CTBS: variants seen among roughly 807,000 people sequenced by gnomAD.
The protein encoded by CTBS is di-N-acetylchitobiase.
CTBS carries 35 observed loss-of-function variants against 44.3 expected under a neutral mutation model. That is an observed-to-expected ratio of 0.79 (90% CI 0.60 to 1.05). The LOEUF is 1.05. Ranked by LOEUF, CTBS falls within the 50% of genes least tolerant of loss-of-function variation. CTBS has a pLI of 0.00. For missense variants in CTBS, 458 were observed against 475.3 expected (o/e 0.96, Z 0.34); for synonymous variants, 143 against 168.0 (o/e 0.85, Z 1.15).
In CTBS at chr1:84,554,412, TA is replaced by T. The variant is rs1205619185; in HGVS notation, c.*586del. 1 of 152,256 alleles carries T rather than the reference TA, an allele frequency of 6.6e-6. No homozygotes were observed. The highest frequency in any genetic ancestry group is 1.5e-5 in the Non-Finnish European group (1 of 68,052). 9.4% of individuals were successfully genotyped at this position (152,256 alleles called of 1,614,324 possible). On this transcript the variant is annotated 3_prime_UTR_variant, in exon 7 of 7. Coordinates refer to ENST00000370630, the MANE Select transcript of CTBS (RefSeq NM_004388.3). Reference sequence around the variant, plus strand: ...TACATTTAATCTTCTGGATTCTTTTTAATTCTCACTCACTGTCCAAAGATTT... The same window carrying T: ...TACATTTAATCTTCTGGATTCTTTTTATTCTCACTCACTGTCCAAAGATTT...
intron 6 of CTBS, among the ~76,000 whole-genome samples, chr1:84,556,996 C>G (rs1046941134): frequency 2.6e-5 from 4 of 152,128 alleles, no homozygotes; most frequent in Admixed American, 2.0e-4. Context: ...ATTTTGCCAT[C>G]ATTCTAGCTA....
At position 84,550,607 on chromosome 1, in the gene CTBS, T is replaced by G; in HGVS notation, c.*4392A>C. On this transcript the variant is annotated 3_prime_UTR_variant, in exon 7 of 7. Transcript: ENST00000370630. The stretch of plus-strand genomic sequence containing the variant: ...AATATTTTGGTGTTTTAACTTTGGG[T>G]GTCAATAATATAAGGGTAGCCAGGA... 1 of 1,393,234 alleles carries G rather than the reference T, an allele frequency of 7.2e-7. No individual in the cohort carries two copies. The highest frequency in any genetic ancestry group is 1.8e-5 in the South Asian group (1 of 54,196). 86.3% of individuals were successfully genotyped at this position (1,393,234 alleles called of 1,614,324 possible). A position where few individuals can be genotyped will look rare whatever the true frequency, so the allele number is the denominator to read the frequency against.
At chr1:84,556,871 T>C (rs1035660942) in intron 6 of CTBS, among the ~76,000 whole-genome samples, 4 of 152,196 alleles carry the variant, frequency 2.6e-5, no homozygotes, top group Non-Finnish European at 4.4e-5. Flanking sequence ...GACAAAGCCA[T>C]GCATGCCCTA....
chr1:84,553,276 A>G lies in CTBS; in HGVS notation c.*1723T>C, dbSNP rs968072017. 2.1e-6 allele frequency: 1 copy of G among 478,684 alleles called. No homozygotes were observed. The highest frequency in any genetic ancestry group is 2.0e-5 in the African/African-American group (1 of 49,002). 29.7% of individuals were successfully genotyped at this position (478,684 alleles called of 1,614,324 possible). A position where few individuals can be genotyped will look rare whatever the true frequency, so the allele number is the denominator to read the frequency against. ...TGTGGGTATTACAAAATGTTTCAGG[A>G]AATATTAGATGTAATATAAAGCAAA... is the stretch of plus-strand genomic sequence containing the variant. On this transcript the variant is annotated 3_prime_UTR_variant, in exon 7 of 7. Coordinates refer to ENST00000370630, the MANE Select transcript of CTBS (RefSeq NM_004388.3).
chr1:84,551,122 A>T lies in CTBS; in HGVS notation c.*3877T>A. 1 of 985,186 alleles carries T rather than the reference A, an allele frequency of 1.0e-6. No homozygotes were observed. The highest frequency in any genetic ancestry group is 1.2e-6 in the Non-Finnish European group (1 of 829,760). The allele number at this position is 985,186 out of a possible 1,614,324, so 61.0% of individuals were successfully genotyped here. On this transcript the variant is annotated 3_prime_UTR_variant, in exon 7 of 7. Coordinates refer to ENST00000370630, the MANE Select transcript of CTBS (RefSeq NM_004388.3). ...TACAACTAATTACATCATAGAAATT[A>T]TCTGTGAAGTACATATGTATTAAAA...
rs1570456657 is a variant in CTBS at position 84,550,696 on chromosome 1, G to C, written c.*4303C>G. On this transcript the variant is annotated 3_prime_UTR_variant, in exon 7 of 7. Coordinates refer to ENST00000370630, the MANE Select transcript of CTBS (RefSeq NM_004388.3). ...ATAGGTGAAAAAAAAAATGCAGGAA[G>C]AAAAACTAAACCTGTGAAAAGATAC... is the stretch of plus-strand genomic sequence containing the variant. 8.4e-7 allele frequency: 1 copy of C among 1,192,150 alleles called. No homozygotes were observed. The highest frequency in any genetic ancestry group is 3.5e-5 in the East Asian group (1 of 28,888). 73.8% of individuals were successfully genotyped at this position (1,192,150 alleles called of 1,614,324 possible). A position where few individuals can be genotyped will look rare whatever the true frequency, so the allele number is the denominator to read the frequency against.
intron 1 of CTBS, chr1:84,573,789 G>GA: frequency 4.5e-6 from 3 of 666,908 alleles, no homozygotes; most frequent in Non-Finnish European, 5.6e-6. Flanking sequence ...TACTTTAAAG[G>GA]AAAGGGCTAG....
intron 6 of CTBS, among the ~76,000 whole-genome samples, chr1:84,557,462 G>A (rs1415197092): frequency 1.3e-5 from 2 of 150,782 alleles, no homozygotes; most frequent in East Asian, 3.9e-4. Context: ...GAACCTGGGA[G>A]GCGGAGGGCG....
In CTBS at chr1:84,563,433, G is replaced by C. The variant is rs757491234; in HGVS notation, c.796-15C>G. ...CAAACATGATCCTAGAAATGCAAAA[G>C]TGCTCATGTTATATATTATCAATTA... On this transcript the variant is annotated splice_polypyrimidine_tract_variant and intron_variant, in intron 5 of 6. Transcript: ENST00000370630. The C allele has an allele frequency of 1.4e-6, 2 of 1,471,516 alleles. No individual in the cohort carries two copies. Among genetic ancestry groups the C allele is most frequent in the Admixed American group, 5.1e-5 (2 of 39,494 alleles). The allele number at this position is 1,471,516 out of a possible 1,614,324, so 91.2% of individuals were successfully genotyped here. A position where few individuals can be genotyped will look rare whatever the true frequency, so the allele number is the denominator to read the frequency against.
Position 84,574,292 on chromosome 1 carries a change from G to A in CTBS, c.124C>T (p.Pro42Ser), listed in dbSNP as rs1647402196. The A allele has an allele frequency of 6.3e-7, 1 of 1,579,934 alleles. No homozygotes were observed. The highest frequency in any genetic ancestry group is 2.4e-5 in the East Asian group (1 of 42,288). The change falls in exon 1 of 7, where the codon CCA becomes TCA. Residue 42 changes from proline (P) to serine (S), a missense_variant. Pro to Ser is a moderately conservative substitution (Grantham distance 74). Coordinates refer to ENST00000370630, the MANE Select transcript of CTBS (RefSeq NM_004388.3). ...ALRLAAGTDC[P>S]CPEPELCRPI... ...CGGCAGAGCTCAGGCTCCGGGCATGGGCAGTCGGTCCCGGCCGCGAGCCGC... is the reference window on the plus strand; with the variant it reads ...CGGCAGAGCTCAGGCTCCGGGCATGAGCAGTCGGTCCCGGCCGCGAGCCGC...
chr1:84,555,285 G>C, intron 6 of CTBS, 86 bp from the exon 7 acceptor site: 1 of 1,032,644 alleles, frequency 9.7e-7, no homozygotes, highest in Non-Finnish European at 1.4e-6. Flanking sequence ...GAAGTATACA[G>C]TACAGTAAGA....
At chr1:84,556,244 T>C (rs187596326) in intron 6 of CTBS, among the ~76,000 whole-genome samples, 3 of 152,246 alleles carry the variant, frequency 2.0e-5, no homozygotes, top group Admixed American at 6.5e-5. Context: ...GGAGCAGATC[T>C]AGGACAAAGT....
At chr1:84,557,631 A>G (rs1166958262) in intron 6 of CTBS, among the ~76,000 whole-genome samples, 1 of 151,120 alleles carries the variant, frequency 6.6e-6, no homozygotes, top group African/African-American at 2.4e-5. Context: ...CGAGATGGGC[A>G]GATCATGAGG....
chr1:84,568,988 C>A (rs1021005627), intron 3 of CTBS, among the ~76,000 whole-genome samples: 1 of 152,126 alleles, frequency 6.6e-6, no homozygotes, highest in Non-Finnish European at 1.5e-5. Flanking sequence ...TCAGGTATTT[C>A]TTTATAGCAA....
chr1:84,574,242 G>A lies in CTBS; in HGVS notation c.174C>T (p.Phe58=). Residue 58 remains phenylalanine (F), a synonymous_variant, in exon 1 of 7, where the codon TTC becomes TTT. Coordinates refer to ENST00000370630, the MANE Select transcript of CTBS (RefSeq NM_004388.3). ...AGGAGCAGAGGAAGGCGCTGACCTC[G>A]AAATCTGGATGGTGGCGAATCGGGC... ...LCRPIRHHPD[F]EVFVFDVGQK... is the part of the protein sequence containing the mutation. 6.2e-7 allele frequency: 1 copy of A among 1,605,816 alleles called. No homozygotes were observed. Among genetic ancestry groups the A allele is most frequent in the Non-Finnish European group, 8.5e-7 (1 of 1,176,896 alleles).
chr1:84,550,809 A>G lies in CTBS; in HGVS notation c.*4190T>C. On this transcript the variant is annotated 3_prime_UTR_variant, in exon 7 of 7. Transcript: ENST00000370630. ...GAACCTGTGAGTCAATATATTCTCAAAAAAAATTTTAAGTAGTTTTCCTGT... is the reference window on the plus strand; with the variant it reads ...GAACCTGTGAGTCAATATATTCTCAGAAAAAATTTTAAGTAGTTTTCCTGT... 9.8e-7 allele frequency: 1 copy of G among 1,016,362 alleles called. No individual in the cohort carries two copies. The highest frequency in any genetic ancestry group is 1.2e-6 in the Non-Finnish European group (1 of 849,244). The allele number at this position is 1,016,362 out of a possible 1,614,324, so 63.0% of individuals were successfully genotyped here. A position where few individuals can be genotyped will look rare whatever the true frequency, so the allele number is the denominator to read the frequency against.
intron 3 of CTBS, among the ~76,000 whole-genome samples, chr1:84,567,236 A>C (rs1337398119): frequency 6.6e-6 from 1 of 152,252 alleles, no homozygotes; most frequent in African/African-American, 2.4e-5. Flanking sequence ...AGCTTTGCTC[A>C]GTAGTTTTCC....
rs1684244447 is a variant in CTBS, at chr1:84,550,704, A to G, written c.*4295T>C. 8.4e-7 allele frequency: 1 copy of G among 1,186,954 alleles called. No individual in the cohort carries two copies. Among genetic ancestry groups the G allele is most frequent in the Non-Finnish European group, 1.1e-6 (1 of 951,630 alleles). 73.5% of individuals were successfully genotyped at this position (1,186,954 alleles called of 1,614,324 possible). On this transcript the variant is annotated 3_prime_UTR_variant, in exon 7 of 7. Transcript: ENST00000370630. ...AAAAAAAAATGCAGGAAGAAAAACT[A>G]AACCTGTGAAAAGATACATGATATA...
chr1:84,558,359 G>A (rs373698274), intron 6 of CTBS, among the ~76,000 whole-genome samples: 1 of 150,088 alleles, frequency 6.7e-6, no homozygotes, highest in Non-Finnish European at 1.5e-5. Flanking sequence ...GCGGGATCTC[G>A]GCTCACTGCA....
Sources: gnomAD v4.1 joint callset for allele counts (sites outside exome capture counted in the v4.1 genomes callset) on GRCh38, gnomAD v4.1.1 for gene constraint, MANE v1.5 for transcripts, NCBI Gene and HGNC (gene_info 2026-07-23, HGNC 2026-07-21) for gene names.